GALNT17: variants seen among roughly 807,000 people sequenced by gnomAD.
GALNT17 encodes polypeptide N-acetylgalactosaminyltransferase 17.
GALNT17 carries 29 observed loss-of-function variants against 63.7 expected under a neutral mutation model. That is an observed-to-expected ratio of 0.46 (90% confidence interval 0.34 to 0.62). The LOEUF is 0.62. Ranked by LOEUF, GALNT17 falls within the 20% of genes least tolerant of loss-of-function variation. GALNT17 has a pLI of 0.01. For synonymous variants in GALNT17, 305 were observed against 318.3 expected (o/e 0.96, Z 0.45); for missense variants, 603 against 799.6 (o/e 0.75, Z 2.97).
At chr7:71,694,206 C>G (rs1456364500) in intron 9 of GALNT17, among the ~76,000 whole-genome samples, 2 of 152,034 alleles carry the variant, frequency 1.3e-5, no homozygotes, top group Admixed American at 6.6e-5. Flanking sequence ...ACAGGAAAGA[C>G]CCACCTCCAT....
chr7:71,674,804 A>G (rs1791123710), intron 8 of GALNT17, among the ~76,000 whole-genome samples: 1 of 152,176 alleles, frequency 6.6e-6, no homozygotes, highest in South Asian at 2.1e-4. Flanking sequence ...GGCGTGAGCC[A>G]CCGCACCCAG....
intron 2 of GALNT17, among the ~76,000 whole-genome samples, chr7:71,337,345 T>A (rs1791926575): frequency 6.6e-6 from 1 of 152,186 alleles, no homozygotes; most frequent in Non-Finnish European, 1.5e-5. Context: ...ATGTTTTGAT[T>A]TGATATTTAT....
intron 1 of GALNT17, among the ~76,000 whole-genome samples, chr7:71,240,447 C>A (rs1233615831): frequency 6.6e-6 from 1 of 152,032 alleles, no homozygotes; most frequent in Non-Finnish European, 1.5e-5. Context: ...TATTTGGAGT[C>A]CCCAGTGTCT....
rs386410414 is a variant in GALNT17, at chr7:71,484,797, ATTTTT to A, written c.962+63708_962+63712del. ...GATACACTGGGAACCCAGCATCAGG[ATTTTT>A]TTTTTTTTTTTTTTTGACAGAGTCT... On this transcript the variant is annotated intron_variant, in intron 5 of 10. Coordinates refer to ENST00000333538, the MANE Select transcript of GALNT17 (RefSeq NM_022479.3). 4.7e-5 allele frequency among the ~76,000 whole-genome samples: 5 copies of A among 107,364 alleles called. 1 individual carries two copies. The highest frequency in any genetic ancestry group is 2.5e-4 in the Admixed American group (2 of 8,098). 70.4% of individuals were successfully genotyped at this position (107,364 alleles called of 152,430 possible).
intron 5 of GALNT17, among the ~76,000 whole-genome samples, chr7:71,427,247 T>G (rs951362580): frequency 6.6e-6 from 1 of 151,316 alleles, no homozygotes; most frequent in Non-Finnish European, 1.5e-5. Flanking sequence ...ACCTGGCTTT[T>G]ATTTTTATTT....
At chr7:71,606,792 A>G (rs1790054615) in intron 6 of GALNT17, among the ~76,000 whole-genome samples, 1 of 152,166 alleles carries the variant, frequency 6.6e-6, no homozygotes, top group African/African-American at 2.4e-5. Flanking sequence ...TGGGAATCCC[A>G]TCTTGATTTT....
chr7:71,245,833 A>G (rs1790083150), intron 1 of GALNT17, among the ~76,000 whole-genome samples: 1 of 136,972 alleles, frequency 7.3e-6, no homozygotes, highest in Admixed American at 7.2e-5. Context: ...AGGTCTGCAG[A>G]GAGCAAGAGA....
intron 1 of GALNT17, among the ~76,000 whole-genome samples, chr7:71,315,108 A>G (rs1791477256): frequency 6.6e-6 from 1 of 152,226 alleles, no homozygotes; most frequent in Non-Finnish European, 1.5e-5. Context: ...CACTTCATAT[A>G]TATGGAAGCA....
chr7:71,547,268 A>G (rs1354775997), intron 5 of GALNT17, among the ~76,000 whole-genome samples: 1 of 151,864 alleles, frequency 6.6e-6, no homozygotes, highest in Non-Finnish European at 1.5e-5. Flanking sequence ...GAGTTCAAGC[A>G]GTTCTCCTGC....
intron 1 of GALNT17, among the ~76,000 whole-genome samples, chr7:71,207,945 T>TTTTTTC (rs1789304686): frequency 6.6e-6 from 1 of 151,164 alleles, no homozygotes; most frequent in Non-Finnish European, 1.5e-5. Context: ...TTTCTTTTTT[T>TTTTTTC]TTTTTTTGAG....
chr7:71,243,450 C>T (rs563620552), intron 1 of GALNT17, among the ~76,000 whole-genome samples: 5 of 152,182 alleles, frequency 3.3e-5, no homozygotes, highest in East Asian at 3.9e-4. Flanking sequence ...AATATAATTC[C>T]GGCTTGCTTT....
chr7:71,690,187 G>C (rs1408826375), intron 9 of GALNT17, among the ~76,000 whole-genome samples: 1 of 151,934 alleles, frequency 6.6e-6, no homozygotes, highest in Non-Finnish European at 1.5e-5. Context: ...ATCACGCCCA[G>C]CTAATTTTTC....
intron 1 of GALNT17, among the ~76,000 whole-genome samples, chr7:71,266,025 C>T (rs2867406): frequency 0.48 from 73,089 of 151,964 alleles, 18,251 homozygotes; most frequent in Non-Finnish European, 0.54. Context: ...TCCTAGCTTC[C>T]AGAGGCTGCC....
Position 71,496,107 on chromosome 7 carries a change from C to T in GALNT17, c.962+75002C>T, listed in dbSNP as rs138837636. On this transcript the variant is annotated intron_variant, in intron 5 of 10. Transcript: ENST00000333538. Reference sequence around the variant, plus strand: ...GTGCTCTTTTCGTCCTACAGATGGTCGAGACTTAGAGAGACAAGAACAGCC... The same window carrying T: ...GTGCTCTTTTCGTCCTACAGATGGTTGAGACTTAGAGAGACAAGAACAGCC... Among the ~76,000 whole-genome samples the T allele has an allele frequency of 2.4e-4, 37 of 152,214 alleles. 1 individual carries two copies. In the East Asian group the frequency reaches 6.6e-3, roughly 27 times the overall value.
chr7:71,433,549 G>A (rs7802988), intron 5 of GALNT17, among the ~76,000 whole-genome samples: 3 of 152,166 alleles, frequency 2.0e-5, no homozygotes, highest in South Asian at 2.1e-4. Context: ...GATGGCTATC[G>A]GATGACCAGT....
chr7:71,696,301 C>T (rs1221134477), intron 9 of GALNT17, among the ~76,000 whole-genome samples: 2 of 151,622 alleles, frequency 1.3e-5, no homozygotes, highest in African/African-American at 4.9e-5. Context: ...TTTATAGAGA[C>T]GGTGTTTCAC....
chr7:71,633,522 A>G (rs1790486797), intron 6 of GALNT17, among the ~76,000 whole-genome samples: 1 of 152,198 alleles, frequency 6.6e-6, no homozygotes, highest in Non-Finnish European at 1.5e-5. Context: ...AATGTGGCCG[A>G]GGAAATGAAT....
intron 1 of GALNT17, among the ~76,000 whole-genome samples, chr7:71,323,676 A>C (rs1287386528): frequency 6.6e-6 from 1 of 152,228 alleles, no homozygotes; most frequent in Non-Finnish European, 1.5e-5. Flanking sequence ...AACGGCGCTT[A>C]CCCATTTCTG....
chr7:71,154,677 C>T (rs958935564), intron 1 of GALNT17, among the ~76,000 whole-genome samples: 12 of 152,010 alleles, frequency 7.9e-5, no homozygotes, highest in Non-Finnish European at 1.5e-4. Context: ...CCCTGGTTCA[C>T]GCCATTCTCC....
Sources: allele counts gnomAD v4.1 joint callset (sites outside exome capture counted in the v4.1 genomes callset), GRCh38; gene constraint gnomAD v4.1.1; transcripts MANE v1.5; gene names NCBI Gene and HGNC (gene_info 2026-07-23, HGNC 2026-07-21).